MAPK6: variants seen among roughly 807,000 people sequenced by gnomAD.
The protein encoded by MAPK6 is ERK-3.
Under a neutral mutation model 59.3 loss-of-function variants are expected in MAPK6, and 19 were observed. The ratio of observed to expected loss-of-function variants is 0.32; its 90% CI spans 0.22 to 0.47. The LOEUF (loss-of-function observed/expected upper bound fraction) is 0.47, where lower values mean the gene tolerates loss of function less well. Among genes scored for constraint, MAPK6 ranks in the 20% least tolerant of loss-of-function variants. The pLI is 1.00. For missense variants in MAPK6, 724 were observed against 847.9 expected, an observed-to-expected ratio of 0.85 and a Z score of 1.81; for synonymous variants, 316 against 290.3, an observed-to-expected ratio of 1.09 and a Z score of -0.90.
At chr15:52,045,075 T>C (rs1258661274) in intron 1 of MAPK6, among the ~76,000 whole-genome samples, 2 of 152,180 alleles carry the variant, frequency 1.3e-5, no homozygotes, top group African/African-American at 4.8e-5. Flanking sequence ...AGCATTTCTC[T>C]AGGGAGTTTA....
intron 3 of MAPK6, among the ~76,000 whole-genome samples, chr15:52,014,057 C>G (rs1682668286): frequency 6.6e-6 from 1 of 151,018 alleles, no homozygotes; most frequent in African/African-American, 2.5e-5. Context: ...TTTGTACATT[C>G]TTTCATCTGG....
intron 2 of MAPK6, among the ~76,000 whole-genome samples, chr15:52,048,771 T>A (rs373241926): frequency 6.6e-6 from 1 of 151,592 alleles, no homozygotes; most frequent in African/African-American, 2.4e-5. Context: ...CTCAGCACTT[T>A]AGGAGGCCGG....
chr15:52,035,623 T>TAAAAAAA, intron 1 of MAPK6: 1 of 126,754 alleles, frequency 7.9e-6, no homozygotes, highest in African/African-American at 2.9e-5. Flanking sequence ...GACACCATCT[T>TAAAAAAA]AAAAAAAAAA....
At chr15:52,049,952 C>T in intron 2 of MAPK6, 41 bp from the exon 3 acceptor site, 1 of 1,547,714 alleles carries the variant, frequency 6.5e-7, no homozygotes, top group Non-Finnish European at 8.9e-7. Flanking sequence ...TACTGTTCTT[C>T]AGCTAAAGTA....
upstream of MAPK6, among the ~76,000 whole-genome samples, chr15:52,016,070 G>GCGCGCGCAGACACACA: frequency 1.8e-5 from 1 of 55,392 alleles, no homozygotes; most frequent in South Asian, 1.1e-3. Flanking sequence ...GCGCGCGCGC[G>GCGCGCGCAGACACACA]CACACACACA....
At chr15:52,052,300 A>G (rs555355914) in intron 3 of MAPK6, among the ~76,000 whole-genome samples, 189 of 152,342 alleles carry the variant, frequency 1.2e-3, no homozygotes, top group South Asian at 3.3e-3. Context: ...GGGCTTCTCC[A>G]TAGGACTGCT....
chr15:52,047,380 C>G (rs985717998), intron 2 of MAPK6, among the ~76,000 whole-genome samples: 1 of 152,168 alleles, frequency 6.6e-6, no homozygotes, highest in African/African-American at 2.4e-5. Context: ...GAGTCTCACT[C>G]TGTCACAAAG....
Position 52,066,716 on chromosome 15 carries a change from T to G in MAPK6, c.*1716T>G, listed in dbSNP as rs1451066353. On this transcript the variant is annotated 3_prime_UTR_variant, in exon 6 of 6. Transcript: ENST00000261845. ...TTCTATTAATATCTGCCCACCTACC[T>G]TCTCAACAACTGACTTCATCTGGAT... 1 of 152,014 alleles carries G rather than the reference T, an allele frequency of 6.6e-6. No homozygotes were observed. Among genetic ancestry groups the G allele is most frequent in the Non-Finnish European group, 1.5e-5 (1 of 68,020 alleles). 9.4% of individuals were successfully genotyped at this position (152,014 alleles called of 1,614,324 possible).
In MAPK6 at chr15:52,039,509, CTTT is replaced by C. The variant is rs11341546; in HGVS notation, c.-631-6300_-631-6298del. ...TGGTAGTAGTAGGTGAGTGTTTTGT[CTTT>C]TTTTTTTTTTTTTTTTTTTTGAAGA... is the stretch of plus-strand genomic sequence containing the variant. On this transcript the variant is annotated intron_variant, in intron 1 of 5. Transcript: ENST00000261845. 5.4e-3 allele frequency among the ~76,000 whole-genome samples: 463 copies of C among 85,816 alleles called. 1 individual carries two copies. The highest frequency in any genetic ancestry group is 0.017 in the African/African-American group (428 of 25,200). 56.3% of individuals were successfully genotyped at this position (85,816 alleles called of 152,430 possible).
chr15:52,031,724 C>T (rs750935866), intron 1 of MAPK6, among the ~76,000 whole-genome samples: 2 of 152,018 alleles, frequency 1.3e-5, no homozygotes, highest in Non-Finnish European at 2.9e-5. Context: ...CATAGCTACT[C>T]AGAAGGCTGA....
intron 1 of MAPK6, among the ~76,000 whole-genome samples, chr15:51,972,380 C>T (rs1318292439): frequency 6.6e-6 from 1 of 151,854 alleles, no homozygotes; most frequent in Admixed American, 6.6e-5. Context: ...CTCAGGCAAT[C>T]CGCCCGCCTC....
At chr15:52,006,784 A>T (rs537577504) in intron 3 of MAPK6, among the ~76,000 whole-genome samples, 17 of 152,224 alleles carry the variant, frequency 1.1e-4, no homozygotes, top group African/African-American at 3.9e-4. Flanking sequence ...ATGACTTATT[A>T]ATAGCGTCAT....
At position 52,066,792 on chromosome 15, in the gene MAPK6, G is replaced by GTGTGTGTGTGTGTGTGTA. The variant is rs1043704165; in HGVS notation, c.*1793_*1794insGTGTGTGTGTGTGTGTAT. ...TGTGTGTGTGTGTGTGTGTGTGTGTGTATATATATTCATTTATTTATTTTC... is the reference window on the plus strand; with the variant it reads ...TGTGTGTGTGTGTGTGTGTGTGTGTGTGTGTGTGTGTGTGTGTATATATATATTCATTTATTTATTTTC... On this transcript the variant is annotated 3_prime_UTR_variant, in exon 6 of 6. Transcript: ENST00000261845. 4.0e-4 allele frequency: 58 copies of GTGTGTGTGTGTGTGTGTA among 144,164 alleles called. No homozygotes were observed. Among genetic ancestry groups the GTGTGTGTGTGTGTGTGTA allele is most frequent in the South Asian group, 1.4e-3 (6 of 4,424 alleles). 8.9% of individuals were successfully genotyped at this position (144,164 alleles called of 1,614,324 possible).
chr15:51,992,805 G>A (rs2141818101), intron 2 of MAPK6, among the ~76,000 whole-genome samples: 1 of 152,280 alleles, frequency 6.6e-6, no homozygotes, highest in African/African-American at 2.4e-5. Flanking sequence ...GATACGGATG[G>A]ATGAACAGTC....
chr15:51,986,936 T>A (rs184760185), intron 2 of MAPK6, among the ~76,000 whole-genome samples: 1 of 152,218 alleles, frequency 6.6e-6, no homozygotes, highest in Non-Finnish European at 1.5e-5. Flanking sequence ...TCTATGTGCA[T>A]GTTGCCAAAA....
intron 2 of MAPK6, among the ~76,000 whole-genome samples, chr15:52,003,869 T>C (rs550029396): frequency 3.5e-4 from 54 of 152,318 alleles, no homozygotes; most frequent in African/African-American, 1.3e-3. Flanking sequence ...AAACAGTAAA[T>C]TGAAGTTTCA....
In MAPK6 at chr15:52,066,429, T is replaced by C. The variant is rs1427606907; in HGVS notation, c.*1429T>C. On this transcript the variant is annotated 3_prime_UTR_variant, in exon 6 of 6. Coordinates refer to ENST00000261845, the MANE Select transcript of MAPK6 (RefSeq NM_002748.4). ...ATTAGAATGGAATAAAGCTTTATAA[T>C]ATTTCAAAACTGTTAGGTAAAATGT... 3 of 152,020 alleles carry C rather than the reference T, an allele frequency of 2.0e-5. No homozygotes were observed. Among genetic ancestry groups the C allele is most frequent in the Non-Finnish European group, 2.9e-5 (2 of 68,004 alleles). The allele number at this position is 152,020 out of a possible 1,614,324, so 9.4% of individuals were successfully genotyped here.
At chr15:52,033,316 A>G (rs78660345) in intron 1 of MAPK6, among the ~76,000 whole-genome samples, 8,644 of 151,996 alleles carry the variant, frequency 0.057, 485 homozygotes, top group African/African-American at 0.13. Context: ...GGGAGAGGAA[A>G]ACCCACCCTC....
At chr15:52,029,481 A>C (rs2030945553) in intron 1 of MAPK6, among the ~76,000 whole-genome samples, 1 of 152,106 alleles carries the variant, frequency 6.6e-6, no homozygotes. Context: ...TATGTGAATA[A>C]TTCTCATATT....
Sources: allele counts gnomAD v4.1 joint callset (sites outside exome capture counted in the v4.1 genomes callset), GRCh38; gene constraint gnomAD v4.1.1; transcripts MANE v1.5; gene names NCBI Gene and HGNC (gene_info 2026-07-23, HGNC 2026-07-21).